Variants in GGT1 observed in about 807,000 individuals in gnomAD.
The protein encoded by GGT1 is gamma-glutamyltransferase 1.
Under a neutral mutation model 56.0 loss-of-function variants are expected in GGT1, and 21 were observed. The observed-to-expected ratio is 0.38, with a 90% CI of 0.27 to 0.54. GGT1 has a LOEUF of 0.54. GGT1 is among the 20% of genes least tolerant of loss of function. The pLI, the probability that GGT1 is intolerant of heterozygous loss-of-function variation, is 0.82. For missense variants in GGT1, 466 were observed against 787.0 expected (o/e 0.59, Z 4.88); for synonymous variants, 238 against 342.6 (o/e 0.69, Z 3.37).
intron 2 of GGT1, chr22:24,609,623 A>G (rs997040409): frequency 1.1e-5 from 3 of 266,816 alleles, no homozygotes; most frequent in African/African-American, 2.3e-5. Context: ...GAGTGGAGGG[A>G]AATCCAGCTT....
At chr22:24,611,275 C>G (rs1195573057) in intron 5 of GGT1, 30 bp downstream of exon 5, 12 of 1,394,354 alleles carry the variant, frequency 8.6e-6, no homozygotes, top group Non-Finnish European at 1.1e-5. Context: ...GGACATGGGC[C>G]CTGAAAACTG....
In GGT1 at chr22:24,621,058, A is replaced by T; in HGVS notation, c.721A>T (p.Ile241Phe). Residue 241 changes from isoleucine (I) to phenylalanine (F), a missense_variant, in exon 9 of 16, where the codon ATC becomes TTC. By Grantham distance (21) the Ile-to-Phe change is conservative. Transcript: ENST00000400382. ...GSLTAQIVKD[I>F]QAAGGIVTAE... ...CCTCACGGCCCAGATTGTGAAGGAC[A>T]TCCAGGCGGCCGGTGAGTGGGTAAC... 6.3e-7 allele frequency: 1 copy of T among 1,585,480 alleles called. No individual in the cohort carries two copies. The highest frequency in any genetic ancestry group is 8.6e-7 in the Non-Finnish European group (1 of 1,165,604).
intron 10 of GGT1, 98 bp from the exon 11 acceptor site, chr22:24,623,682 T>C: frequency 9.9e-7 from 1 of 1,009,236 alleles, no homozygotes; most frequent in Non-Finnish European, 1.5e-6. Context: ...TATTAAACGC[T>C]CCTTGAGGTG....
At chr22:24,584,867 G>A in the GGT1 span, among the ~76,000 whole-genome samples, 1 of 151,998 alleles carries the variant, frequency 6.6e-6, no homozygotes, top group African/African-American at 2.4e-5. Flanking sequence ...ACACAGGGCT[G>A]AGGGTGACTG....
At chr22:24,586,144 A>G in the GGT1 span, 5 of 1,613,454 alleles carry the variant, frequency 3.1e-6, no homozygotes, top group African/African-American at 1.3e-5. Context: ...CCTTGATGGC[A>G]TCAGTGAGCT....
intron 11 of GGT1, among the ~76,000 whole-genome samples, chr22:24,626,078 C>T (rs1326446313): frequency 4.5e-5 from 6 of 134,534 alleles, no homozygotes; most frequent in South Asian, 2.3e-4. Flanking sequence ...CTGCAAGCTC[C>T]GCCTCCCAGG....
intron 1 of GGT1, chr22:24,607,711 C>T: frequency 3.8e-6 from 1 of 260,312 alleles, no homozygotes; most frequent in Non-Finnish European, 7.8e-6. Flanking sequence ...CTGGGCACGC[C>T]CTGGCTGGTC....
At position 24,620,691 on chromosome 22, in the gene GGT1, G is replaced by T; in HGVS notation, c.575+171G>T. 1.4e-6 allele frequency: 2 copies of T among 1,457,420 alleles called. No individual in the cohort carries two copies. Among genetic ancestry groups the T allele is most frequent in the Non-Finnish European group, 1.8e-6 (2 of 1,102,814 alleles). 90.3% of individuals were successfully genotyped at this position (1,457,420 alleles called of 1,614,324 possible). ...GTGTGGGGACACATTCTGAGCGTGG[G>T]GTCCCAGTGGCCACTGTGGCTGGCC... On this transcript the variant is annotated intron_variant, in intron 8 of 15. Transcript: ENST00000400382. The surrounding 1 kb of genome is among the most constrained non-coding windows in gnomAD (Gnocchi z 5.6).
At chr22:24,601,355 G>A (rs566776226), upstream of GGT1, among the ~76,000 whole-genome samples, 1 of 149,934 alleles carries the variant, frequency 6.7e-6, no homozygotes, top group Non-Finnish European at 1.5e-5. Context: ...GGTATTCAGT[G>A]TTGTCAGCTT....
At chr22:24,591,981 C>T (rs1053228788), upstream of GGT1, among the ~76,000 whole-genome samples, 1 of 152,246 alleles carries the variant, frequency 6.6e-6, no homozygotes, top group African/African-American at 2.4e-5. Context: ...CCCACATTTT[C>T]TCTGTGGGCC....
rs1295511295 is a variant in GGT1, at chr22:24,627,417, C to A, written c.1021-15C>A. 1 of 1,605,200 alleles carries A rather than the reference C, an allele frequency of 6.2e-7. No homozygotes were observed. The highest frequency in any genetic ancestry group is 8.5e-7 in the Non-Finnish European group (1 of 1,177,072). ...CCCTCCCCACCTCCTCAGGCCAGCTCTGGGGTCTCGGCAGGTGGTCCGCAA... is the reference window on the plus strand; with the variant it reads ...CCCTCCCCACCTCCTCAGGCCAGCTATGGGGTCTCGGCAGGTGGTCCGCAA... On this transcript the variant is annotated splice_polypyrimidine_tract_variant and intron_variant, in intron 11 of 15. Coordinates refer to ENST00000400382, the MANE Select transcript of GGT1 (RefSeq NM_001288833.2).
the GGT1 span, chr22:24,585,782 A>G: frequency 8.5e-6 from 10 of 1,182,642 alleles, no homozygotes; most frequent in Admixed American, 2.7e-4. Context: ...GAGCATTTAC[A>G]CTGGATTTCT....
At chr22:24,600,678 A>G (rs2045767857), upstream of GGT1, among the ~76,000 whole-genome samples, 1 of 152,230 alleles carries the variant, frequency 6.6e-6, no homozygotes, top group Non-Finnish European at 1.5e-5. Flanking sequence ...ATCACAGCTG[A>G]GTAGCACCAG....
intron 11 of GGT1, among the ~76,000 whole-genome samples, chr22:24,626,768 C>T (rs1171399905): frequency 4.0e-5 from 6 of 151,312 alleles, no homozygotes; most frequent in Non-Finnish European, 7.4e-5. Flanking sequence ...TTCCTCTGCC[C>T]TAAGCCTGCA....
intron 5 of GGT1, among the ~76,000 whole-genome samples, chr22:24,613,111 T>C (rs989618602): frequency 3.3e-5 from 5 of 152,240 alleles, no homozygotes; most frequent in Admixed American, 3.3e-4. Flanking sequence ...GGTCTTGTTC[T>C]GTCACCCAGG....
At chr22:24,611,551 T>TGTC (rs2046675864) in intron 5 of GGT1, among the ~76,000 whole-genome samples, 2 of 31,228 alleles carry the variant, frequency 6.4e-5, no homozygotes, top group African/African-American at 1.6e-4. Context: ...ATCATCTATC[T>TGTC]ATCTATCTAT....
intron 9 of GGT1, 41 bp from the exon 10 acceptor site, chr22:24,623,066 G>T: frequency 6.2e-7 from 1 of 1,611,406 alleles, no homozygotes; most frequent in Non-Finnish European, 8.5e-7. Context: ...CAGTGGTGCA[G>T]CCCCATCCCA....
intron 5 of GGT1, among the ~76,000 whole-genome samples, chr22:24,612,251 T>C (rs2051594991): frequency 6.7e-6 from 1 of 148,344 alleles, no homozygotes; most frequent in South Asian, 2.1e-4. Flanking sequence ...ATTCTTTTTT[T>C]TTTTTTTTTT....
chr22:24,607,177 TG>T (rs1353161359), intron 1 of GGT1, among the ~76,000 whole-genome samples: 14 of 152,144 alleles, frequency 9.2e-5, no homozygotes, highest in Non-Finnish European at 1.8e-4. Context: ...TCCTTGGGCC[TG>T]GGGTGCTAAT....
Sources: gnomAD v4.1 joint callset for allele counts (sites outside exome capture counted in the v4.1 genomes callset) on GRCh38, gnomAD v4.1.1 for gene constraint, Gnocchi (gnomAD v3.1) non-coding constraint, MANE v1.5 for transcripts, NCBI Gene and HGNC (gene_info 2026-07-23, HGNC 2026-07-21) for gene names.